CNTN5: variants seen among roughly 807,000 people sequenced by gnomAD.
CNTN5 encodes contactin-5.
A neutral mutation model predicts 129.1 loss-of-function variants in CNTN5; 77 were observed. The ratio of observed to expected loss-of-function variants is 0.60; its 90% CI spans 0.50 to 0.72. The LOEUF is 0.72. Ranked by LOEUF, CNTN5 falls within the 30% of genes least tolerant of loss-of-function variation. The pLI, the probability that CNTN5 is intolerant of heterozygous loss-of-function variation, is 0.00. For missense variants in CNTN5, 1,478 were observed against 1,328.8 expected, an observed-to-expected ratio of 1.11 and a Z score of -1.75; for synonymous variants, 509 against 465.6, an observed-to-expected ratio of 1.09 and a Z score of -1.20.
At chr11:99,321,979 G>A (rs767673878) in intron 1 of CNTN5, among the ~76,000 whole-genome samples, 3 of 152,164 alleles carry the variant, frequency 2.0e-5, no homozygotes, top group Non-Finnish European at 4.4e-5. Flanking sequence ...AAGCCATTCT[G>A]TGCACTGGTT....
chr11:99,737,818 C>A (rs913576275), intron 3 of CNTN5, among the ~76,000 whole-genome samples: 1 of 152,050 alleles, frequency 6.6e-6, no homozygotes, highest in Admixed American at 6.5e-5. Context: ...AGAACGAGTA[C>A]AGTGTTTTAC....
At chr11:99,997,854 C>G (rs368794936) in intron 8 of CNTN5, among the ~76,000 whole-genome samples, 3 of 152,090 alleles carry the variant, frequency 2.0e-5, no homozygotes, top group Non-Finnish European at 4.4e-5. Flanking sequence ...ATTCAATATA[C>G]GCATATCAAT....
chr11:100,204,296 TAA>T (rs1491463979), intron 15 of CNTN5, among the ~76,000 whole-genome samples: 9 of 15,294 alleles, frequency 5.9e-4, no homozygotes, highest in African/African-American at 1.3e-3. Context: ...AAACATTGAC[TAA>T]TATATATATA....
chr11:99,084,103 C>T (rs569215429), intron 1 of CNTN5, among the ~76,000 whole-genome samples: 5 of 152,306 alleles, frequency 3.3e-5, no homozygotes, highest in African/African-American at 9.6e-5. Context: ...CCACCAACTA[C>T]GTATCCACAC....
intron 1 of CNTN5, among the ~76,000 whole-genome samples, chr11:99,138,089 G>T (rs1859325698): frequency 6.6e-6 from 1 of 151,926 alleles, no homozygotes; most frequent in Admixed American, 6.6e-5. Context: ...ATTTATTTAG[G>T]TCAGATATTT....
At chr11:99,853,966 T>G (rs867300978) in intron 6 of CNTN5, among the ~76,000 whole-genome samples, 5 of 152,202 alleles carry the variant, frequency 3.3e-5, no homozygotes, top group Admixed American at 6.5e-5. Context: ...TACTGCCTTG[T>G]TCAACTCAAA....
chr11:99,583,540 C>G (rs570176412), intron 3 of CNTN5, among the ~76,000 whole-genome samples: 5 of 152,248 alleles, frequency 3.3e-5, no homozygotes, highest in African/African-American at 9.6e-5. Flanking sequence ...GCCCCTCCCC[C>G]AGCCTCGCTG....
intron 2 of CNTN5, among the ~76,000 whole-genome samples, chr11:99,387,413 A>G (rs985619564): frequency 6.6e-6 from 1 of 152,228 alleles, no homozygotes; most frequent in Admixed American, 6.5e-5. Context: ...CACTGGAGTT[A>G]AATAGATGAT....
At chr11:99,178,353 C>T (rs930042703) in intron 1 of CNTN5, among the ~76,000 whole-genome samples, 4 of 133,750 alleles carry the variant, frequency 3.0e-5, no homozygotes, top group Admixed American at 2.1e-4. Context: ...CACACACACA[C>T]ACACACACAC....
At chr11:99,079,202 A>C (rs1442736872) in intron 1 of CNTN5, among the ~76,000 whole-genome samples, 2 of 152,142 alleles carry the variant, frequency 1.3e-5, no homozygotes, top group African/African-American at 2.4e-5. Context: ...TAGTTAGAGG[A>C]AAACAGAACT....
At chr11:99,170,070 A>G (rs1861069881) in intron 1 of CNTN5, among the ~76,000 whole-genome samples, 2 of 152,152 alleles carry the variant, frequency 1.3e-5, no homozygotes, top group South Asian at 2.1e-4. Context: ...GCTACATGTT[A>G]TGAATATTTT....
chr11:100,180,178 A>G (rs1948095063), intron 13 of CNTN5, among the ~76,000 whole-genome samples: 1 of 152,074 alleles, frequency 6.6e-6, no homozygotes, highest in Non-Finnish European at 1.5e-5. Flanking sequence ...TTGACGAAGA[A>G]CAAAGTGAAA....
intron 4 of CNTN5, among the ~76,000 whole-genome samples, chr11:99,831,387 C>A (rs1180274690): frequency 6.6e-6 from 1 of 152,158 alleles, no homozygotes; most frequent in Non-Finnish European, 1.5e-5. Flanking sequence ...GGCAAAATTT[C>A]ATAGCTCAAT....
At chr11:99,875,788 G>A (rs1948618157) in intron 6 of CNTN5, among the ~76,000 whole-genome samples, 1 of 151,970 alleles carries the variant, frequency 6.6e-6, no homozygotes, top group South Asian at 2.1e-4. Flanking sequence ...ATACACATTT[G>A]CAAAATAAAT....
chr11:99,589,192 T>C (rs1565326822), intron 3 of CNTN5, among the ~76,000 whole-genome samples: 1 of 152,114 alleles, frequency 6.6e-6, no homozygotes, highest in African/African-American at 2.4e-5. Context: ...TTAGTAGTGG[T>C]AAATGCTTTA....
chr11:99,624,491 C>T (rs1023543200), intron 3 of CNTN5, among the ~76,000 whole-genome samples: 1 of 151,966 alleles, frequency 6.6e-6, no homozygotes, highest in African/African-American at 2.4e-5. Flanking sequence ...TGTTAATCCT[C>T]CTTATCAGAT....
At chr11:99,836,841 G>T (rs1947323439) in intron 4 of CNTN5, among the ~76,000 whole-genome samples, 1 of 152,112 alleles carries the variant, frequency 6.6e-6, no homozygotes, top group Non-Finnish European at 1.5e-5. Flanking sequence ...CATTCTAACT[G>T]GTGTGAGATG....
At chr11:100,059,050 T>C (rs574499865) in intron 9 of CNTN5, among the ~76,000 whole-genome samples, 2 of 152,248 alleles carry the variant, frequency 1.3e-5, no homozygotes, top group East Asian at 3.9e-4. Context: ...TGAAGTGTAT[T>C]AAATATAAAT....
intron 3 of CNTN5, among the ~76,000 whole-genome samples, chr11:99,643,665 T>C (rs1951849137): frequency 6.6e-6 from 1 of 152,154 alleles, no homozygotes. Flanking sequence ...GCTGGGCTCT[T>C]ACTGTTATTC....
Sources: allele counts gnomAD v4.1 joint callset (sites outside exome capture counted in the v4.1 genomes callset), GRCh38; gene constraint gnomAD v4.1.1; transcripts MANE v1.5; gene names NCBI Gene and HGNC (gene_info 2026-07-23, HGNC 2026-07-21).